The following STYXL1 variants were observed in gnomAD, a reference collection of about 807,000 sequenced individuals.
STYXL1 encodes serine/threonine/tyrosine interacting like 1.
STYXL1 carries 32 observed loss-of-function variants against 36.4 expected under a neutral mutation model. The ratio of observed to expected loss-of-function variants is 0.88; its 90% CI spans 0.66 to 1.18. The LOEUF is 1.18. Among genes scored for constraint, STYXL1 ranks in the 50% most tolerant of loss-of-function variants. The pLI, the probability that STYXL1 is intolerant of heterozygous loss-of-function variation, is 0.00. For synonymous variants in STYXL1, 133 were observed against 144.1 expected (o/e 0.92, Z 0.55); for missense variants, 354 against 394.1 (o/e 0.90, Z 0.86).
At chr7:76,024,803 G>T (rs1488177962) in intron 3 of STYXL1, among the ~76,000 whole-genome samples, 16 of 151,868 alleles carry the variant, frequency 1.1e-4, no homozygotes, top group African/African-American at 3.9e-4. Context: ...GCAAAAATTA[G>T]CCAGGTGTGG....
chr7:76,037,194 C>T (rs527252116), intron 1 of STYXL1, among the ~76,000 whole-genome samples: 4 of 150,344 alleles, frequency 2.7e-5, no homozygotes, highest in East Asian at 1.9e-4. Context: ...CTGTCCGCCT[C>T]GGCCTCCCAA....
At chr7:76,033,015 T>C (rs139328324) in intron 1 of STYXL1, among the ~76,000 whole-genome samples, 46 of 152,174 alleles carry the variant, frequency 3.0e-4, no homozygotes, top group Admixed American at 4.6e-4. Context: ...CATTGTTGGG[T>C]GGAGAATCAC....
intron 5 of STYXL1, among the ~76,000 whole-genome samples, chr7:76,005,826 G>A (rs1457767917): frequency 7.5e-6 from 1 of 134,188 alleles, no homozygotes; most frequent in Non-Finnish European, 1.6e-5. Flanking sequence ...AGGAGGAGGA[G>A]GAAGAGAGAG....
At chr7:76,024,236 G>A (rs1355625500) in intron 3 of STYXL1, among the ~76,000 whole-genome samples, 1 of 152,076 alleles carries the variant, frequency 6.6e-6, no homozygotes, top group Non-Finnish European at 1.5e-5. Flanking sequence ...GAGAGGAGAC[G>A]TTCCCCTCAA....
intron 7 of STYXL1, among the ~76,000 whole-genome samples, chr7:76,003,110 A>G (rs1791199925): frequency 6.6e-6 from 1 of 151,898 alleles, no homozygotes; most frequent in Non-Finnish European, 1.5e-5. Flanking sequence ...CCCAGGAATG[A>G]GTAAAAAATC....
At chr7:76,007,476 AC>A (rs1791934215) in intron 5 of STYXL1, among the ~76,000 whole-genome samples, 1 of 152,108 alleles carries the variant, frequency 6.6e-6, no homozygotes, top group African/African-American at 2.4e-5. Context: ...CAAATACTAC[AC>A]CATCTTGTAT....
At chr7:76,040,581 G>A (rs1554581925) in intron 1 of STYXL1, among the ~76,000 whole-genome samples, 1 of 152,182 alleles carries the variant, frequency 6.6e-6, no homozygotes, top group Non-Finnish European at 1.5e-5. Flanking sequence ...GCTCACGCCT[G>A]CAATCCCAGC....
chr7:76,037,756 GACA>G (rs1477248692), intron 1 of STYXL1, among the ~76,000 whole-genome samples: 1 of 149,830 alleles, frequency 6.7e-6, no homozygotes, highest in African/African-American at 2.4e-5. Context: ...CTGGTGAAGA[GACA>G]ACACTTGATG....
At chr7:76,005,746 C>T (rs1791589364) in intron 5 of STYXL1, among the ~76,000 whole-genome samples, 1 of 151,808 alleles carries the variant, frequency 6.6e-6, no homozygotes, top group African/African-American at 2.4e-5. Context: ...GTACTGGGGG[C>T]TCAGGAGGAT....
chr7:76,022,049 G>A, intron 3 of STYXL1, 57 bp from the exon 4 acceptor site: 1 of 1,578,930 alleles, frequency 6.3e-7, no homozygotes, highest in Non-Finnish European at 8.5e-7. Context: ...AGGTTCGGTT[G>A]AGCAGAGACT....
chr7:76,036,020 C>A (rs868914367), intron 1 of STYXL1, among the ~76,000 whole-genome samples: 1 of 150,074 alleles, frequency 6.7e-6, no homozygotes, highest in Middle Eastern at 3.6e-3. Flanking sequence ...GAAATTAGGG[C>A]ACCTCTAGCC....
At chr7:76,005,512 G>T in intron 5 of STYXL1, 108 bp from the exon 6 acceptor site, 1 of 1,045,228 alleles carries the variant, frequency 9.6e-7, no homozygotes, top group Non-Finnish European at 1.4e-6. Context: ...GCAGTTCCAG[G>T]ACAGTGAATG....
intron 3 of STYXL1, among the ~76,000 whole-genome samples, chr7:76,026,545 G>A (rs1252168104): frequency 6.6e-6 from 1 of 152,146 alleles, no homozygotes; most frequent in Non-Finnish European, 1.5e-5. Flanking sequence ...GCCAACCAAA[G>A]TGCTAGGATT....
intron 5 of STYXL1, among the ~76,000 whole-genome samples, chr7:76,012,149 A>G (rs1792635004): frequency 6.6e-6 from 1 of 152,182 alleles, no homozygotes; most frequent in Non-Finnish European, 1.5e-5. Context: ...AAAAAGAATT[A>G]TAATAGAGAT....
At chr7:76,034,119 T>C (rs1400008869) in intron 1 of STYXL1, among the ~76,000 whole-genome samples, 2 of 152,228 alleles carry the variant, frequency 1.3e-5, no homozygotes, top group African/African-American at 2.4e-5. Flanking sequence ...CTGCCTTTTT[T>C]TGAGACAAGG....
chr7:76,023,737 C>T (rs1264263595), intron 3 of STYXL1, among the ~76,000 whole-genome samples: 1 of 151,752 alleles, frequency 6.6e-6, no homozygotes, highest in African/African-American at 2.4e-5. Flanking sequence ...CCAACAAGGC[C>T]GGGCGCGGAG....
intron 1 of STYXL1, chr7:76,044,993 A>G (rs1010042166): frequency 1.3e-5 from 2 of 152,148 alleles, no homozygotes; most frequent in African/African-American, 4.8e-5. Context: ...GGCCCATACC[A>G]CTGAAAGGTC....
chr7:76,013,503 C>A (rs1400782664), intron 5 of STYXL1, among the ~76,000 whole-genome samples: 1 of 151,770 alleles, frequency 6.6e-6, no homozygotes, highest in Non-Finnish European at 1.5e-5. Context: ...TGGCTCACTG[C>A]AACCTCTGCC....
chr7:75,999,935 C>T (rs1371130498), intron 8 of STYXL1, among the ~76,000 whole-genome samples: 1 of 152,016 alleles, frequency 6.6e-6, no homozygotes, highest in East Asian at 1.9e-4. Flanking sequence ...CTCGCTGGGT[C>T]AGAACAGGCC....
Sources: gnomAD v4.1 joint callset for allele counts (sites outside exome capture counted in the v4.1 genomes callset) on GRCh38, gnomAD v4.1.1 for gene constraint, MANE v1.5 for transcripts, NCBI Gene and HGNC (gene_info 2026-07-23, HGNC 2026-07-21) for gene names.